EPC1: variants seen among roughly 807,000 people sequenced by gnomAD.
EPC1 encodes enhancer of polycomb 1, also known as enhancer of polycomb homolog 1.
EPC1 carries 12 observed loss-of-function variants against 98.4 expected under a neutral mutation model. The observed-to-expected ratio is 0.12, with a 90% CI of 0.08 to 0.20. EPC1 has a LOEUF of 0.20. EPC1 is among the 10% of genes least tolerant of loss of function. The pLI is 1.00. For synonymous variants in EPC1, 357 were observed against 363.9 expected (o/e 0.98, Z 0.21); for missense variants, 729 against 990.5 (o/e 0.74, Z 3.54).
At chr10:32,290,575 G>GTATGAATTA (rs1340992210) in intron 6 of EPC1, among the ~76,000 whole-genome samples, 1 of 145,962 alleles carries the variant, frequency 6.9e-6, no homozygotes, top group Admixed American at 6.9e-5. Context: ...TCCATATTTT[G>GTATGAATTA]TATGAATTAT....
intron 1 of EPC1, among the ~76,000 whole-genome samples, chr10:32,357,518 T>C (rs1374372633): frequency 1.3e-5 from 2 of 152,234 alleles, no homozygotes; most frequent in Non-Finnish European, 2.9e-5. Context: ...TGCAGTGCAG[T>C]TGTGCTATCA....
At chr10:32,345,924 A>C (rs1308509046) in intron 1 of EPC1, among the ~76,000 whole-genome samples, 1 of 152,158 alleles carries the variant, frequency 6.6e-6, no homozygotes, top group African/African-American at 2.4e-5. Flanking sequence ...TTATTTTACA[A>C]ATAGGTAAGG....
intron 2 of EPC1, among the ~76,000 whole-genome samples, chr10:32,304,831 A>G (rs1835778312): frequency 6.6e-6 from 1 of 151,900 alleles, no homozygotes; most frequent in Non-Finnish European, 1.5e-5. Context: ...AGGCAGGAGA[A>G]TCCCTTGAAC....
intron 1 of EPC1, among the ~76,000 whole-genome samples, chr10:32,327,949 T>C (rs1837404524): frequency 6.6e-6 from 1 of 152,220 alleles, no homozygotes; most frequent in African/African-American, 2.4e-5. Flanking sequence ...TAAAATGGTA[T>C]GTTGGTTGTT....
chr10:32,275,565 G>A (rs1399268564), intron 10 of EPC1, among the ~76,000 whole-genome samples: 1 of 150,060 alleles, frequency 6.7e-6, no homozygotes, highest in Non-Finnish European at 1.5e-5. Flanking sequence ...AGGAGATTGA[G>A]ACCATCCTGG....
At chr10:32,348,042 A>G (rs538723530), upstream of EPC1, among the ~76,000 whole-genome samples, 13 of 152,200 alleles carry the variant, frequency 8.5e-5, no homozygotes, top group Non-Finnish European at 1.5e-4. Flanking sequence ...AGTTCTTTAT[A>G]TCTAGCTCAT....
chr10:32,311,214 G>A (rs1382394040), intron 1 of EPC1, among the ~76,000 whole-genome samples: 1 of 152,016 alleles, frequency 6.6e-6, no homozygotes, highest in African/African-American at 2.4e-5. Flanking sequence ...TAGGGAGGCT[G>A]AGGCAGGAGA....
chr10:32,325,658 A>G (rs1021857249), intron 1 of EPC1, among the ~76,000 whole-genome samples: 3 of 152,238 alleles, frequency 2.0e-5, no homozygotes, highest in Admixed American at 6.5e-5. Context: ...AACCATACTA[A>G]AAGTTTGTAT....
intron 1 of EPC1, among the ~76,000 whole-genome samples, chr10:32,355,735 C>T (rs1482393735): frequency 2.0e-5 from 3 of 150,318 alleles, no homozygotes; most frequent in Non-Finnish European, 4.4e-5. Flanking sequence ...CTCAGCCTCC[C>T]GAGTAGCTGG....
chr10:32,285,257 C>G, intron 9 of EPC1: 1 of 459,878 alleles, frequency 2.2e-6, no homozygotes, highest in Non-Finnish European at 3.8e-6. Context: ...TGTTTTTCAA[C>G]TAAAGATTTT....
intron 1 of EPC1, among the ~76,000 whole-genome samples, chr10:32,337,513 CTG>C (rs1464740948): frequency 1.3e-5 from 2 of 152,176 alleles, no homozygotes; most frequent in Non-Finnish European, 2.9e-5. Context: ...ACTCTGAATT[CTG>C]TTTCTTCAAC....
chr10:32,358,414 C>G (rs115831336), intron 1 of EPC1, among the ~76,000 whole-genome samples: 1,658 of 152,048 alleles, frequency 0.011, 33 homozygotes, highest in African/African-American at 0.038. Flanking sequence ...AAGGCTGAAG[C>G]AGGAGGATCA....
intron 9 of EPC1, chr10:32,285,443 C>G: frequency 5.3e-6 from 1 of 189,714 alleles, no homozygotes; most frequent in East Asian, 1.5e-4. Context: ...TTGAGATCCA[C>G]TACTCTAGAG....
chr10:32,361,870 AC>A (rs1384922222), intron 1 of EPC1, among the ~76,000 whole-genome samples: 3 of 152,208 alleles, frequency 2.0e-5, no homozygotes, highest in Non-Finnish European at 4.4e-5. Context: ...AGCACAAGAT[AC>A]AGGTCATAAA....
At chr10:32,315,496 A>G (rs1836500110) in intron 1 of EPC1, among the ~76,000 whole-genome samples, 2 of 152,214 alleles carry the variant, frequency 1.3e-5, no homozygotes, top group South Asian at 4.1e-4. Context: ...TGAATTAAAA[A>G]CAGCTTATTA....
intron 13 of EPC1, among the ~76,000 whole-genome samples, chr10:32,270,280 A>T (rs1370202635): frequency 2.0e-5 from 3 of 152,230 alleles, no homozygotes; most frequent in Non-Finnish European, 4.4e-5. Context: ...ATCTACAATT[A>T]GCATTATTGG....
intron 1 of EPC1, among the ~76,000 whole-genome samples, chr10:32,313,803 T>C (rs1836390232): frequency 6.6e-6 from 1 of 152,058 alleles, no homozygotes; most frequent in African/African-American, 2.4e-5. Context: ...GGAGAATCGC[T>C]TGAACCTGGG....
In EPC1 at chr10:32,374,192, A is replaced by T. The variant is rs569163362; in HGVS notation, c.3+4299T>A. ...ATTAAAATATGTTTTTATTTTTAAA[A>T]TTTCTGTTATATATACCATTAGAAA... On this transcript the variant is annotated intron_variant, in intron 1 of 13. Coordinates refer to the EPC1 transcript ENST00000375110. 2.9e-4 allele frequency: 44 copies of T among 152,232 alleles called. No individual in the cohort carries two copies. The Middle Eastern group carries it at 0.014, about 47-fold the overall frequency. 9.4% of individuals were successfully genotyped at this position (152,232 alleles called of 1,614,324 possible). A position where few individuals can be genotyped will look rare whatever the true frequency, so the allele number is the denominator to read the frequency against.
At chr10:32,345,896 G>A (rs1437838455) in intron 1 of EPC1, among the ~76,000 whole-genome samples, 1 of 152,158 alleles carries the variant, frequency 6.6e-6, no homozygotes, top group Non-Finnish European at 1.5e-5. Flanking sequence ...AGATACCAGA[G>A]AGCAGGAGAA....
Sources: gnomAD v4.1 joint callset for allele counts (sites outside exome capture counted in the v4.1 genomes callset) on GRCh38, gnomAD v4.1.1 for gene constraint, MANE v1.5 for transcripts, NCBI Gene and HGNC (gene_info 2026-07-23, HGNC 2026-07-21) for gene names.